The following SEPTIN9 variants were observed in gnomAD, a reference collection of about 807,000 sequenced individuals.
The protein encoded by SEPTIN9 is septin 9.
In SEPTIN9, 13 loss-of-function variants were observed where a neutral mutation model predicts 56.6. The ratio of observed to expected loss-of-function variants is 0.23; its 90% CI spans 0.15 to 0.37. The LOEUF is 0.37. SEPTIN9 is among the 10% of genes least tolerant of loss of function. The pLI is 1.00. For synonymous variants in SEPTIN9, 332 were observed against 334.1 expected, an observed-to-expected ratio of 0.99 and a Z score of 0.07; for missense variants, 650 against 823.1, an observed-to-expected ratio of 0.79 and a Z score of 2.57.
chr17:77,450,437 T>G lies in SEPTIN9; in HGVS notation c.722-31707T>G. The G allele has an allele frequency of 1.0e-6, 1 of 971,442 alleles. No individual in the cohort carries two copies. The highest frequency in any genetic ancestry group is 1.2e-6 in the Non-Finnish European group (1 of 817,244). The allele number at this position is 971,442 out of a possible 1,614,324, so 60.2% of individuals were successfully genotyped here. On this transcript the variant is annotated intron_variant, in intron 3 of 11. Transcript: ENST00000427177. This position sits in a 1 kb window ranked among gnomAD's most constrained non-coding sequence, Gnocchi z 6.0. ...AAAGGCTTCTTTCCATTTGAGTGAA[T>G]CCCTCCCAGCCCCCAGCAAGCCCTC...
intron 4 of SEPTIN9, chr17:77,482,879 A>C (rs902135868): frequency 2.9e-6 from 1 of 347,952 alleles, no homozygotes; most frequent in African/African-American, 2.1e-5. Flanking sequence ...GCCAGGCTGG[A>C]GTCTACAGTG....
rs1192766256 is a variant in SEPTIN9, at chr17:77,498,531, T to C, written c.1634T>C (p.Met545Thr). ...GCCCCCCACCCCCACAGGACGCACA[T>C]GCAGAACATCAAGGACATCACCAGC... ...YLRDLLIRTH[M>T]QNIKDITSSI... The change falls in exon 12 of 12, where the codon ATG (methionine) becomes ACG (threonine). Residue 545 changes from methionine to threonine, a missense_variant. Transcript: ENST00000427177. 9 of 877,482 alleles carry C rather than the reference T, an allele frequency of 1.0e-5. No homozygotes were observed. The highest frequency in any genetic ancestry group is 1.5e-5 in the Non-Finnish European group (9 of 606,736). The allele number at this position is 877,482 out of a possible 1,614,324, so 54.4% of individuals were successfully genotyped here. A position where few individuals can be genotyped will look rare whatever the true frequency, so the allele number is the denominator to read the frequency against.
chr17:77,476,037 C>T lies in SEPTIN9; in HGVS notation c.722-6107C>T. On this transcript the variant is annotated intron_variant, in intron 3 of 11. Coordinates refer to ENST00000427177, the MANE Select transcript of SEPTIN9 (RefSeq NM_001113491.2). The surrounding 1 kb of genome is among the most constrained non-coding windows in gnomAD (Gnocchi z 6.0). Reference sequence around the variant, plus strand: ...GGGTGCAGGCCCGGCTGTCACTCCCCTGGAGCTGGGAATGGCATTGGGCGG... The same window carrying T: ...GGGTGCAGGCCCGGCTGTCACTCCCTTGGAGCTGGGAATGGCATTGGGCGG... The T allele has an allele frequency of 5.2e-6, 5 of 960,118 alleles. No individual in the cohort carries two copies. The highest frequency in any genetic ancestry group is 7.8e-6 in the Non-Finnish European group (5 of 637,864). The allele number at this position is 960,118 out of a possible 1,614,324, so 59.5% of individuals were successfully genotyped here. A position where few individuals can be genotyped will look rare whatever the true frequency, so the allele number is the denominator to read the frequency against.
intron 2 of SEPTIN9, among the ~76,000 whole-genome samples, chr17:77,399,007 T>C (rs191434226): frequency 1.3e-5 from 2 of 152,234 alleles, no homozygotes; most frequent in Admixed American, 1.3e-4. Context: ...CCGGCACACA[T>C]GTGCATTTTG....
chr17:77,488,172 G>T, intron 5 of SEPTIN9, 68 bp from the exon 6 acceptor site: 3 of 1,485,960 alleles, frequency 2.0e-6, no homozygotes, highest in Non-Finnish European at 2.8e-6. Context: ...CCCGGGGTCA[G>T]TCAGGTGTGG....
intron 2 of SEPTIN9, among the ~76,000 whole-genome samples, chr17:77,324,520 G>A (rs530405673): frequency 1.3e-5 from 2 of 152,178 alleles, no homozygotes; most frequent in Non-Finnish European, 2.9e-5. Flanking sequence ...CCCACCAGGC[G>A]TCTTCCTACC....
In SEPTIN9 at chr17:77,425,669, A is replaced by G. The variant is rs1401961932; in HGVS notation, c.721+22966A>G. 6.6e-6 allele frequency among the ~76,000 whole-genome samples: 1 copy of G among 152,152 alleles called. No homozygotes were observed. ...CTGCCTCTTTCTCTGTCTCTTGGGAAAGGTAGGGTCTTTGTGCCCCCTCCC... is the reference window on the plus strand; with the variant it reads ...CTGCCTCTTTCTCTGTCTCTTGGGAGAGGTAGGGTCTTTGTGCCCCCTCCC... On this transcript the variant is annotated intron_variant, in intron 3 of 11. Coordinates refer to ENST00000427177, the MANE Select transcript of SEPTIN9 (RefSeq NM_001113491.2). This position sits in a 1 kb window ranked among gnomAD's most constrained non-coding sequence, Gnocchi z 4.2.
At chr17:77,422,335 C>T (rs999267632) in intron 3 of SEPTIN9, among the ~76,000 whole-genome samples, 1 of 152,210 alleles carries the variant, frequency 6.6e-6, no homozygotes, top group Non-Finnish European at 1.5e-5. Flanking sequence ...GCTTGCTCAC[C>T]CAGCCTCGGG....
chr17:77,489,903 G>A (rs2039952561), intron 7 of SEPTIN9, among the ~76,000 whole-genome samples: 1 of 152,214 alleles, frequency 6.6e-6, no homozygotes, highest in South Asian at 2.1e-4. Flanking sequence ...AGCTGTTCCA[G>A]CTGCTCCAAG....
At chr17:77,440,274 C>T (rs1003182554) in intron 3 of SEPTIN9, among the ~76,000 whole-genome samples, 1 of 152,152 alleles carries the variant, frequency 6.6e-6, no homozygotes, top group Non-Finnish European at 1.5e-5. Flanking sequence ...CCTGCCTCAG[C>T]CTCCTAAGTA....
intron 3 of SEPTIN9, among the ~76,000 whole-genome samples, chr17:77,418,687 C>T (rs935927810): frequency 5.3e-5 from 8 of 152,192 alleles, no homozygotes; most frequent in East Asian, 1.9e-4. Flanking sequence ...AGGATGTCCA[C>T]GCCTCCTCCT....
chr17:77,447,491 G>C (rs1293459401), intron 3 of SEPTIN9, among the ~76,000 whole-genome samples: 2 of 152,258 alleles, frequency 1.3e-5, no homozygotes, highest in Non-Finnish European at 2.9e-5. Context: ...CTGCCTTTGA[G>C]TCCTGAGCAC....
chr17:77,306,271 G>C (rs2032259694), intron 1 of SEPTIN9, among the ~76,000 whole-genome samples: 1 of 152,194 alleles, frequency 6.6e-6, no homozygotes, highest in South Asian at 2.1e-4. Flanking sequence ...CTGTTGGTGG[G>C]ACTGGGCTGG....
intron 1 of SEPTIN9, among the ~76,000 whole-genome samples, chr17:77,284,739 C>T (rs954805590): frequency 6.6e-6 from 1 of 152,188 alleles, no homozygotes; most frequent in Non-Finnish European, 1.5e-5. Flanking sequence ...AAGTGATTCT[C>T]CTGCCTCAGC....
At chr17:77,497,713 G>C in intron 11 of SEPTIN9, 1 of 418,210 alleles carries the variant, frequency 2.4e-6, no homozygotes, top group East Asian at 4.8e-5. Context: ...GGCGTCTCCA[G>C]CTCCGATCCC....
chr17:77,472,050 T>C (rs2039020798), intron 3 of SEPTIN9, among the ~76,000 whole-genome samples: 1 of 152,108 alleles, frequency 6.6e-6, no homozygotes, highest in South Asian at 2.1e-4. Context: ...AGTGGCTCTT[T>C]AGGAAGTGAA....
In SEPTIN9 at chr17:77,402,003, C is replaced by A; in HGVS notation, c.77-56C>A. 1.3e-6 allele frequency: 2 copies of A among 1,561,316 alleles called. No individual in the cohort carries two copies. The highest frequency in any genetic ancestry group is 1.7e-6 in the Non-Finnish European group (2 of 1,144,636). On this transcript the variant is annotated intron_variant, in intron 2 of 11. Transcript: ENST00000427177. The surrounding 1 kb of genome is among the most constrained non-coding windows in gnomAD (Gnocchi z 6.6). Reference sequence around the variant, plus strand: ...TGCTGCTCCTTAGCAGGAAACATGCCGGAGTGTTCCCTAGCCATCCATTCA... The same window carrying A: ...TGCTGCTCCTTAGCAGGAAACATGCAGGAGTGTTCCCTAGCCATCCATTCA...
At chr17:77,370,927 G>A (rs1225536913) in intron 2 of SEPTIN9, among the ~76,000 whole-genome samples, 1 of 152,236 alleles carries the variant, frequency 6.6e-6, no homozygotes, top group Non-Finnish European at 1.5e-5. Context: ...CTGAGAAAGA[G>A]GAGGCCAAGG....
Position 77,479,866 on chromosome 17 carries a change from G to A in SEPTIN9, c.722-2278G>A, listed in dbSNP as rs542858791. On this transcript the variant is annotated intron_variant, in intron 3 of 11. Coordinates refer to ENST00000427177, the MANE Select transcript of SEPTIN9 (RefSeq NM_001113491.2). ...GCAGATGGAAGCGATTTTCGGTCAC[G>A]TGGGTGGGGACTGAACTGCTGCCCC... Among the ~76,000 whole-genome samples the A allele has an allele frequency of 2.2e-4, 34 of 152,330 alleles. No individual in the cohort carries two copies. The South Asian group carries it at 4.6e-3, about 20-fold the overall frequency.
Sources: allele counts gnomAD v4.1 joint callset (sites outside exome capture counted in the v4.1 genomes callset), GRCh38; gene constraint gnomAD v4.1.1; non-coding constraint Gnocchi (gnomAD v3.1); transcripts MANE v1.5; gene names NCBI Gene and HGNC (gene_info 2026-07-23, HGNC 2026-07-21).